Variants in ILK observed in about 807,000 individuals in gnomAD.
ILK encodes the protein scaffold protein ILK.
In ILK, 37 loss-of-function variants were observed where a neutral mutation model predicts 57.8. The observed-to-expected ratio is 0.64, with a 90% CI of 0.49 to 0.84. The LOEUF (loss-of-function observed/expected upper bound fraction) is 0.84. ILK is among the 40% of genes least tolerant of loss of function. ILK has a pLI of 0.00. For synonymous variants in ILK, 231 were observed against 202.2 expected, an observed-to-expected ratio of 1.14 and a Z score of -1.21; for missense variants, 528 against 595.7, an observed-to-expected ratio of 0.89 and a Z score of 1.18.
rs761949762 is a variant in ILK, at chr11:6,608,805, C to CCCCT, written c.448+16_448+19dup. Reference sequence around the variant, plus strand: ...GCTTCTCCGAGGTCCATCTCCCCATCCCCTAGCTTGTGTCCTCTCGTCCCT... The same window carrying CCCCT: ...GCTTCTCCGAGGTCCATCTCCCCATCCCCTCCCTAGCTTGTGTCCTCTCGTCCCT... On this transcript the variant is annotated intron_variant, in intron 5 of 12. Transcript: ENST00000299421. This position sits in a 1 kb window ranked among gnomAD's most constrained non-coding sequence, Gnocchi z 4.9. 19 of 1,612,380 alleles carry CCCCT rather than the reference C, an allele frequency of 1.2e-5. No individual in the cohort carries two copies. Among genetic ancestry groups the CCCCT allele is most frequent in the Non-Finnish European group, 1.6e-5 (19 of 1,178,412 alleles).
rs751329555 is a variant in ILK, at chr11:6,610,172, C to G, written c.1103C>G (p.Thr368Arg). 2 of 1,614,226 alleles carry G rather than the reference C, an allele frequency of 1.2e-6. No homozygotes were observed. Among genetic ancestry groups the G allele is most frequent in the South Asian group, 2.2e-5 (2 of 91,086 alleles). ...PEALQKKPED[T>R]NRRSADMWSF... is the part of the protein sequence containing the mutation. ...GCTCTGCAGAAGAAGCCTGAAGACA[C>G]AAACAGACGCTCAGCAGACATGTGG... Residue 368 changes from threonine (T) to arginine (R), a missense_variant, in exon 12 of 13, where the codon ACA becomes AGA. Physicochemically the swap from Thr to Arg is moderately conservative, Grantham distance 71. Transcript: ENST00000299421.
Position 6,609,364 on chromosome 11 carries a change from T to G in ILK, c.684T>G (p.Ser228Arg), listed in dbSNP as rs1589939088. Reference protein sequence around the residue: ...VVKVLKVRDWSTRKSRDFNEE... With the variant: ...VVKVLKVRDWRTRKSRDFNEE... The stretch of plus-strand genomic sequence containing the variant: ...AGGTGCTGAAGGTTCGAGACTGGAG[T>G]ACAAGGAAGAGCAGGGACTTCAATG... Residue 228 changes from serine to arginine, a missense_variant, in exon 8 of 13, where the codon AGT becomes AGG. Coordinates refer to ENST00000299421, the MANE Select transcript of ILK (RefSeq NM_004517.4). 1 of 1,613,712 alleles carries G rather than the reference T, an allele frequency of 6.2e-7. No homozygotes were observed. Among genetic ancestry groups the G allele is most frequent in the East Asian group, 2.2e-5 (1 of 44,868 alleles).
At chr11:6,604,012 A>G (rs1052403390) in intron 1 of ILK, 168 bp from the exon 2 acceptor site, 17 of 583,840 alleles carry the variant, frequency 2.9e-5, no homozygotes, top group Middle Eastern at 9.2e-4. Context: ...TCCGTTCAGC[A>G]GACACTACCT....
rs1050608872 is a variant in ILK, at chr11:6,604,061, C to T, written c.-92-119C>T. The T allele has an allele frequency of 2.0e-5, 12 of 614,984 alleles. No individual in the cohort carries two copies. In the South Asian group the frequency reaches 2.3e-4, roughly 12 times the overall value. The allele number at this position is 614,984 out of a possible 1,614,324, so 38.1% of individuals were successfully genotyped here. Reference sequence around the variant, plus strand: ...TGCCCACCCTGACCCGCCTTTACCTCGCGTCTAGAGGACACAGCCAGGGAT... The same window carrying T: ...TGCCCACCCTGACCCGCCTTTACCTTGCGTCTAGAGGACACAGCCAGGGAT... On this transcript the variant is annotated intron_variant, in intron 1 of 12. Transcript: ENST00000299421.
At chr11:6,609,277 C>T in intron 7 of ILK, 22 bp from the exon 8 acceptor site, 1 of 1,612,188 alleles carries the variant, frequency 6.2e-7, no homozygotes, top group Non-Finnish European at 8.5e-7. Context: ...TTCAAGCCTC[C>T]TAACCCCTAC....
intron 1 of ILK, 36 bp from the exon 2 acceptor site, chr11:6,604,143 GC>G: frequency 4.7e-6 from 4 of 850,726 alleles, no homozygotes; most frequent in South Asian, 1.4e-5. Context: ...CGCAGCTCAG[GC>G]CCCCTACCCC....
In ILK at chr11:6,608,955, C is replaced by T. The variant is rs201671181; in HGVS notation, c.520C>T (p.Arg174Cys). 8.7e-6 allele frequency: 14 copies of T among 1,614,176 alleles called. No individual in the cohort carries two copies. In the Admixed American group the frequency reaches 1.3e-4, roughly 15 times the overall value. ...YKDTFWKGTT[R>C]TRPRNGTLNK... ...GGACACATTCTGGAAGGGGACCACC[C>T]GCACTCGGCCCCGTGAGTCACCACT... is the stretch of plus-strand genomic sequence containing the variant. The change falls in exon 6 of 13, where the codon CGC (arginine) becomes TGC (cysteine). Residue 174 changes from arginine to cysteine, a missense_variant. Arg to Cys is a radical substitution (Grantham distance 180). Coordinates refer to ENST00000299421, the MANE Select transcript of ILK (RefSeq NM_004517.4). The surrounding 1 kb of genome is among the most constrained non-coding windows in gnomAD (Gnocchi z 4.9).
chr11:6,604,656 TC>T, intron 2 of ILK: 1 of 530,660 alleles, frequency 1.9e-6, no homozygotes, highest in Non-Finnish European at 3.4e-6. Context: ...TGTCTGGAGT[TC>T]CATATGGCTG....
chr11:6,609,778 GC>G lies in ILK; in HGVS notation c.912del (p.Met305TrpfsTer7). 1 of 1,614,152 alleles carries G rather than the reference GC, an allele frequency of 6.2e-7. No homozygotes were observed. Among genetic ancestry groups the G allele is most frequent in the South Asian group, 1.1e-5 (1 of 91,082 alleles). On this transcript the variant is annotated frameshift_variant, in exon 10 of 13. Coordinates refer to ENST00000299421, the MANE Select transcript of ILK (RefSeq NM_004517.4). LOFTEE classifies it high-confidence loss of function. ...AAGTTTGCTTTGGACATGGCAAGGGGCATGGCCTTCCTACACACACTAGAGC... is the reference window on the plus strand; with the variant it reads ...AAGTTTGCTTTGGACATGGCAAGGGGATGGCCTTCCTACACACACTAGAGC... ...AVKFALDMAR[G>X]MAFLHTLEPL...
At chr11:6,607,844 T>C in intron 2 of ILK, 1 of 595,476 alleles carries the variant, frequency 1.7e-6, no homozygotes, top group East Asian at 2.8e-5. Flanking sequence ...TAGAGGTTGT[T>C]GAGATATCTA....
intron 1 of ILK, 54 bp from the exon 2 acceptor site, chr11:6,604,126 C>A: frequency 1.4e-6 from 1 of 738,502 alleles, no homozygotes; most frequent in Non-Finnish European, 2.3e-6. Context: ...CCCCCACTAG[C>A]CGGGGACGCA....
Position 6,608,236 on chromosome 11 carries a change from C to G in ILK, c.255+25C>G. On this transcript the variant is annotated intron_variant, in intron 3 of 12. Transcript: ENST00000299421. This position sits in a 1 kb window ranked among gnomAD's most constrained non-coding sequence, Gnocchi z 4.9. ...GGTACGTACAAACTCCTTCGTCATC[C>G]ACATCACATACATGCCATGAGGGTC... The G allele has an allele frequency of 6.2e-7, 1 of 1,613,326 alleles. No individual in the cohort carries two copies. The highest frequency in any genetic ancestry group is 1.1e-5 in the South Asian group (1 of 91,060).
rs1855419034 is a variant in ILK at position 6,610,714 on chromosome 11, C to T, written c.*103C>T. 6 of 1,448,462 alleles carry T rather than the reference C, an allele frequency of 4.1e-6. No individual in the cohort carries two copies. In the Admixed American group the frequency reaches 7.1e-5, roughly 17 times the overall value. The allele number at this position is 1,448,462 out of a possible 1,614,324, so 89.7% of individuals were successfully genotyped here. ...TCTGGTTGCCTCCCCCGCCTCCAGT[C>T]ATGGTACTACCCCAGCCATGGGGTC... On this transcript the variant is annotated 3_prime_UTR_variant, in exon 13 of 13. Transcript: ENST00000299421.
Position 6,609,395 on chromosome 11 carries a change from T to C in ILK, c.715T>C (p.Cys239Arg), listed in dbSNP as rs776545789. The C allele has an allele frequency of 1.2e-6, 2 of 1,613,500 alleles. No individual in the cohort carries two copies. The highest frequency in any genetic ancestry group is 2.2e-5 in the East Asian group (1 of 44,882). ...GAAGAGCAGGGACTTCAATGAAGAG[T>C]GTCCCCGGCTCAGGTAGTGCAAGGC... ...TRKSRDFNEE[C>R]PRLRIFSHPN... Residue 239 changes from cysteine to arginine, a missense_variant, in exon 8 of 13, where the codon TGT becomes CGT. Coordinates refer to ENST00000299421, the MANE Select transcript of ILK (RefSeq NM_004517.4).
chr11:6,610,094 G>T, intron 11 of ILK, 54 bp from the exon 12 acceptor site: 2 of 1,614,074 alleles, frequency 1.2e-6, no homozygotes, highest in Non-Finnish European at 1.7e-6. Context: ...TAGTGGAAGG[G>T]GGCAGAGACA....
At chr11:6,607,859 G>C in intron 2 of ILK, 187 bp from the exon 3 acceptor site, 1 of 612,272 alleles carries the variant, frequency 1.6e-6, no homozygotes. Context: ...TATCTAGGTG[G>C]TTGGTTTGGT....
Position 6,603,803 on chromosome 11 carries a change from A to T in ILK, c.-112A>T, listed in dbSNP as rs1854539588. The T allele has an allele frequency of 5.6e-6, 2 of 356,802 alleles. No homozygotes were observed. Among genetic ancestry groups the T allele is most frequent in the Non-Finnish European group, 1.0e-5 (2 of 198,552 alleles). 22.1% of individuals were successfully genotyped at this position (356,802 alleles called of 1,614,324 possible). Reference sequence around the variant, plus strand: ...CCGGACGGGAGTTCCCCGGAGAAGGATCCTGCAGCCCGAGTCCCGGTGAGT... The same window carrying T: ...CCGGACGGGAGTTCCCCGGAGAAGGTTCCTGCAGCCCGAGTCCCGGTGAGT... On this transcript the variant is annotated 5_prime_UTR_variant, in exon 1 of 13. Transcript: ENST00000299421.
rs868090995 is a variant in ILK at position 6,609,161 on chromosome 11, C to A, written c.618+5C>A. The A allele has an allele frequency of 1.9e-6, 3 of 1,612,790 alleles. No homozygotes were observed. The highest frequency in any genetic ancestry group is 1.7e-6 in the Non-Finnish European group (2 of 1,178,882). ...AACGAGAATCACTCTGGAGAGGTGACCCCTGCCCTTCTTGCCCTTCCCTCA... is the reference window on the plus strand; with the variant it reads ...AACGAGAATCACTCTGGAGAGGTGAACCCTGCCCTTCTTGCCCTTCCCTCA... On this transcript the variant is annotated splice_donor_5th_base_variant and intron_variant, in intron 7 of 12. Transcript: ENST00000299421.
intron 2 of ILK, among the ~76,000 whole-genome samples, chr11:6,605,650 C>T (rs1198111160): frequency 1.4e-5 from 1 of 73,652 alleles, no homozygotes; most frequent in East Asian, 4.7e-4. Flanking sequence ...TTCCTGATCC[C>T]TCCCTCTTCC....
Sources: gnomAD v4.1 joint callset for allele counts (sites outside exome capture counted in the v4.1 genomes callset) on GRCh38, gnomAD v4.1.1 for gene constraint, Gnocchi (gnomAD v3.1) non-coding constraint, MANE v1.5 for transcripts, NCBI Gene and HGNC (gene_info 2026-07-23, HGNC 2026-07-21) for gene names.